The following SDK1 variants were observed in gnomAD, a reference collection of about 807,000 sequenced individuals.
The protein encoded by SDK1 is sidekick cell adhesion molecule 1.
Under a neutral mutation model 245.5 loss-of-function variants are expected in SDK1, and 157 were observed. That is an observed-to-expected ratio of 0.64 (90% CI 0.56 to 0.73). The LOEUF is 0.73. Among genes scored for constraint, SDK1 ranks in the 30% least tolerant of loss-of-function variants. The probability of loss-of-function intolerance (pLI) is 0.00; values close to 1 mark genes in which losing one functional copy is unlikely to be tolerated. For missense variants in SDK1, 3,583 were observed against 3,002.3 expected (o/e 1.19, Z -4.52); for synonymous variants, 1,647 against 1,278.5 (o/e 1.29, Z -6.15).
chr7:3,558,208 T>G (rs1779646755), intron 1 of SDK1, among the ~76,000 whole-genome samples: 1 of 152,232 alleles, frequency 6.6e-6, no homozygotes, highest in Admixed American at 6.5e-5. Context: ...TCAAAGAAAT[T>G]ACTTGAGCAA....
chr7:4,187,741 G>T (rs606175), intron 35 of SDK1, among the ~76,000 whole-genome samples: 151,748 of 152,338 alleles, frequency 1, 75,582 homozygotes, highest in Middle Eastern at 1. Flanking sequence ...TGGGGTTCTG[G>T]GAAGGGAACA....
intron 33 of SDK1, 77 bp downstream of exon 33, chr7:4,174,434 T>C: frequency 1.4e-6 from 2 of 1,464,734 alleles, no homozygotes; most frequent in South Asian, 1.2e-5. Flanking sequence ...GTGCACATCA[T>C]GGTGGGAAAC....
At chr7:3,468,239 C>A (rs1781071208) in intron 1 of SDK1, among the ~76,000 whole-genome samples, 2 of 152,030 alleles carry the variant, frequency 1.3e-5, no homozygotes, top group African/African-American at 4.8e-5. Flanking sequence ...AAATGTGATT[C>A]TCTCATGTCC....
At chr7:3,317,592 T>C (rs1468715395) in intron 1 of SDK1, among the ~76,000 whole-genome samples, 4 of 152,096 alleles carry the variant, frequency 2.6e-5, no homozygotes. Context: ...ATTGACTATC[T>C]TTAAGTGGCG....
In SDK1 at chr7:3,819,841, C is replaced by T. The variant is rs749297871; in HGVS notation, c.714-1609C>T. The stretch of plus-strand genomic sequence containing the variant: ...TAAAAATCAAGAGTTTTTGAAAAAG[C>T]TCTGCAAAAGGTAGCAGGAAGAAAA... On this transcript the variant is annotated intron_variant, in intron 4 of 44. Transcript: ENST00000404826. Among the ~76,000 whole-genome samples, 83 of 152,150 alleles carry T rather than the reference C, an allele frequency of 5.5e-4. 1 individual carries two copies. Among genetic ancestry groups the T allele is most frequent in the Non-Finnish European group, 8.5e-4 (58 of 67,976 alleles).
At chr7:3,315,743 A>G (rs1779649674) in intron 1 of SDK1, among the ~76,000 whole-genome samples, 1 of 152,182 alleles carries the variant, frequency 6.6e-6, no homozygotes, top group Non-Finnish European at 1.5e-5. Context: ...ACCATAATGT[A>G]TTATTACTGG....
intron 2 of SDK1, among the ~76,000 whole-genome samples, chr7:3,633,987 C>T (rs1008260596): frequency 1.3e-5 from 2 of 152,094 alleles, no homozygotes; most frequent in African/African-American, 2.4e-5. Context: ...ACTGTGCCCC[C>T]ACCACCGCTG....
intron 4 of SDK1, among the ~76,000 whole-genome samples, chr7:3,793,172 G>C (rs188605719): frequency 6.6e-6 from 1 of 151,940 alleles, no homozygotes; most frequent in Non-Finnish European, 1.5e-5. Context: ...TCCATGTAAG[G>C]GTTATAATTT....
intron 1 of SDK1, among the ~76,000 whole-genome samples, chr7:3,441,496 C>G (rs1335945067): frequency 6.6e-6 from 1 of 152,130 alleles, no homozygotes; most frequent in Non-Finnish European, 1.5e-5. Context: ...ATTGCCTATT[C>G]ACTTTCTTGG....
At position 3,607,968 on chromosome 7, in the gene SDK1, A is replaced by G. The variant is rs529321402; in HGVS notation, c.299-11112A>G. 1.2e-4 allele frequency among the ~76,000 whole-genome samples: 18 copies of G among 152,356 alleles called. No individual in the cohort carries two copies. The South Asian group carries it at 3.7e-3, about 32-fold the overall frequency. On this transcript the variant is annotated intron_variant, in intron 1 of 44. Coordinates refer to ENST00000404826, the MANE Select transcript of SDK1 (RefSeq NM_152744.4). ...TTTGCAGGGGGCGGCCACAAGGCCA[A>G]AATCATTTCATCAGAATAGACCTTT...
intron 2 of SDK1, among the ~76,000 whole-genome samples, chr7:3,630,170 G>A (rs1476506523): frequency 1.3e-5 from 2 of 152,154 alleles, no homozygotes; most frequent in East Asian, 3.8e-4. Flanking sequence ...TGTGTAGTTG[G>A]AATCCCCCAA....
At chr7:3,698,499 CCCT>C (rs1784640303) in intron 4 of SDK1, among the ~76,000 whole-genome samples, 1 of 152,148 alleles carries the variant, frequency 6.6e-6, no homozygotes, top group South Asian at 2.1e-4. Flanking sequence ...GTGACAAGGG[CCCT>C]CCTCACTCAG....
At chr7:4,223,578 G>C (rs1020322491) in intron 40 of SDK1, among the ~76,000 whole-genome samples, 1 of 152,178 alleles carries the variant, frequency 6.6e-6, no homozygotes, top group African/African-American at 2.4e-5. Flanking sequence ...TGATCTCCCT[G>C]TATGTGTGTC....
At chr7:3,582,664 C>T (rs1780544133) in intron 1 of SDK1, among the ~76,000 whole-genome samples, 1 of 126,144 alleles carries the variant, frequency 7.9e-6, no homozygotes, top group Non-Finnish European at 1.6e-5. Flanking sequence ...GCACATGTAG[C>T]CCTGAACCTA....
intron 22 of SDK1, among the ~76,000 whole-genome samples, chr7:4,083,639 TCCTTCCTTCCTCCACC>T: frequency 1.5e-5 from 1 of 67,934 alleles, no homozygotes; most frequent in Non-Finnish European, 3.1e-5. Context: ...CTCCTTTCCT[TCCTTCCTTCCTCCACC>T]CCTCCCTTCT....
chr7:4,155,668 C>T (rs554548457), intron 30 of SDK1, among the ~76,000 whole-genome samples: 1 of 152,306 alleles, frequency 6.6e-6, no homozygotes, highest in Admixed American at 6.5e-5. Flanking sequence ...TACTGTGTGC[C>T]AGATACAACA....
chr7:3,714,049 A>G (rs888506184), intron 4 of SDK1, among the ~76,000 whole-genome samples: 3 of 152,236 alleles, frequency 2.0e-5, no homozygotes, highest in African/African-American at 7.2e-5. Context: ...GCAGGTGTGC[A>G]GACGGCAGCA....
At chr7:4,199,600 T>C (rs1228596237) in intron 35 of SDK1, among the ~76,000 whole-genome samples, 1 of 152,188 alleles carries the variant, frequency 6.6e-6, no homozygotes, top group Non-Finnish European at 1.5e-5. Context: ...ACAACTGCTT[T>C]TAAAACAGTC....
chr7:3,447,199 T>G (rs1438698460), intron 1 of SDK1, among the ~76,000 whole-genome samples: 2 of 152,192 alleles, frequency 1.3e-5, no homozygotes, highest in African/African-American at 2.4e-5. Flanking sequence ...TAACCTATAT[T>G]AGAGGAGACA....
Sources: allele counts gnomAD v4.1 joint callset (sites outside exome capture counted in the v4.1 genomes callset), GRCh38; gene constraint gnomAD v4.1.1; transcripts MANE v1.5; gene names NCBI Gene and HGNC (gene_info 2026-07-23, HGNC 2026-07-21).